GMPR: variants seen among roughly 807,000 people sequenced by gnomAD.
GMPR encodes the protein guanosine monophosphate reductase.
In GMPR, 31 loss-of-function variants were observed where a neutral mutation model predicts 38.4. That is an observed-to-expected ratio of 0.81 (90% CI 0.61 to 1.09). The LOEUF (loss-of-function observed/expected upper bound fraction) is 1.09, where lower values mean the gene tolerates loss of function less well. GMPR is among the 50% of genes least tolerant of loss of function. The pLI is 0.00. For missense variants in GMPR, 468 were observed against 453.7 expected (o/e 1.03, Z -0.29); for synonymous variants, 162 against 173.3 (o/e 0.93, Z 0.51).
At chr6:16,286,167 T>C (rs1312760814) in intron 7 of GMPR, among the ~76,000 whole-genome samples, 2 of 151,670 alleles carry the variant, frequency 1.3e-5, no homozygotes. Context: ...CAGAGGGGGT[T>C]TTTTGGACCC....
At chr6:16,290,333 C>T (rs2113347935) in intron 7 of GMPR, 129 bp from the exon 8 acceptor site, 2 of 810,854 alleles carry the variant, frequency 2.5e-6, no homozygotes, top group South Asian at 1.6e-5. Flanking sequence ...GAGAGAGGTC[C>T]AGCCTTTCTC....
Position 16,278,829 on chromosome 6 carries a change from A to G in GMPR, c.593A>G (p.Gln198Arg), listed in dbSNP as rs764757372. ...TRTKTGVGYP[Q>R]LSAVIECADS... is the part of the protein sequence containing the mutation. Reference sequence around the variant, plus strand: ...ACCAAGACGGGAGTGGGGTACCCCCAGCTGAGTGCCGTCATTGAGTGTGCC... The same window carrying G: ...ACCAAGACGGGAGTGGGGTACCCCCGGCTGAGTGCCGTCATTGAGTGTGCC... Residue 198 changes from glutamine to arginine, a missense_variant, in exon 6 of 9, where the codon CAG (glutamine) becomes CGG (arginine). Physicochemically the swap from Gln to Arg is conservative, Grantham distance 43. Transcript: ENST00000259727. 1.2e-6 allele frequency: 2 copies of G among 1,614,148 alleles called. No homozygotes were observed. Among genetic ancestry groups the G allele is most frequent in the South Asian group, 2.2e-5 (2 of 91,080 alleles).
chr6:16,239,757 G>T (rs1228050752), intron 1 of GMPR, among the ~76,000 whole-genome samples: 1 of 152,270 alleles, frequency 6.6e-6, no homozygotes, highest in African/African-American at 2.4e-5. Context: ...CCGGTGCCAG[G>T]CCTAACTGCA....
chr6:16,292,833 G>A (rs898168971), intron 8 of GMPR, among the ~76,000 whole-genome samples: 2 of 152,142 alleles, frequency 1.3e-5, no homozygotes, highest in Non-Finnish European at 2.9e-5. Context: ...AAGAAAAAAC[G>A]TCTTCTGTAA....
intron 8 of GMPR, among the ~76,000 whole-genome samples, chr6:16,294,338 G>A (rs545009060): frequency 3.3e-5 from 5 of 152,296 alleles, no homozygotes; most frequent in Non-Finnish European, 4.4e-5. Flanking sequence ...ACCCAGCAAA[G>A]CAGAAAGACA....
At chr6:16,281,312 G>A (rs776271832) in intron 6 of GMPR, among the ~76,000 whole-genome samples, 5 of 152,108 alleles carry the variant, frequency 3.3e-5, no homozygotes, top group Non-Finnish European at 5.9e-5. Context: ...CTCAGCATAC[G>A]CTGGCGGGGT....
At position 16,263,278 on chromosome 6, in the gene GMPR, G is replaced by A. The variant is rs908474517; in HGVS notation, c.465+8543G>A. ...GTACGACAAGAATTATTTAGATCTT[G>A]TAGGATGGAAAAATTGAAAGTGCCA... is the stretch of plus-strand genomic sequence containing the variant. On this transcript the variant is annotated intron_variant, in intron 4 of 8. Coordinates refer to ENST00000259727, the MANE Select transcript of GMPR (RefSeq NM_006877.4). 2.0e-5 allele frequency: 3 copies of A among 152,040 alleles called. 1 individual carries two copies. In the South Asian group the frequency reaches 6.2e-4, roughly 32 times the overall value. 9.4% of individuals were successfully genotyped at this position (152,040 alleles called of 1,614,324 possible).
intron 4 of GMPR, among the ~76,000 whole-genome samples, chr6:16,267,492 A>G (rs1457057510): frequency 6.6e-6 from 1 of 152,168 alleles, no homozygotes; most frequent in African/African-American, 2.4e-5. Flanking sequence ...AAGAGCTGTA[A>G]CACTCACTGC....
At chr6:16,285,051 AAAG>A (rs1180034143) in intron 6 of GMPR, among the ~76,000 whole-genome samples, 5 of 150,054 alleles carry the variant, frequency 3.3e-5, no homozygotes, top group African/African-American at 1.2e-4. Flanking sequence ...AAAAAACAGA[AAAG>A]AAAAGAAAAT....
At chr6:16,290,363 G>GA in intron 7 of GMPR, 99 bp from the exon 8 acceptor site, 2 of 1,015,418 alleles carry the variant, frequency 2.0e-6, no homozygotes, top group Non-Finnish European at 3.1e-6. Context: ...GCTGGGCGGG[G>GA]AGGGAGGTGA....
intron 3 of GMPR, among the ~76,000 whole-genome samples, chr6:16,254,347 G>A (rs925529808): frequency 6.6e-6 from 1 of 152,218 alleles, no homozygotes; most frequent in Admixed American, 6.5e-5. Flanking sequence ...ATTACAGCAT[G>A]AGCCACCGTG....
intron 7 of GMPR, among the ~76,000 whole-genome samples, chr6:16,288,707 C>T (rs1017933518): frequency 5.3e-5 from 8 of 152,218 alleles, no homozygotes; most frequent in African/African-American, 1.7e-4. Flanking sequence ...TGGATGAAGC[C>T]AGCTGGGCTC....
intron 4 of GMPR, among the ~76,000 whole-genome samples, chr6:16,266,639 A>G (rs1366915412): frequency 1.3e-5 from 2 of 151,584 alleles, no homozygotes; most frequent in African/African-American, 2.4e-5. Context: ...CATCTCTACT[A>G]AAAGTACAAA....
chr6:16,281,958 G>A (rs1009652530), intron 6 of GMPR, among the ~76,000 whole-genome samples: 2 of 152,184 alleles, frequency 1.3e-5, no homozygotes, highest in Non-Finnish European at 2.9e-5. Context: ...TTGAGGTTCA[G>A]AGCAGCCATT....
intron 3 of GMPR, 83 bp from the exon 4 acceptor site, chr6:16,254,479 C>G: frequency 8.3e-7 from 1 of 1,200,794 alleles, no homozygotes; most frequent in Non-Finnish European, 1.2e-6. Flanking sequence ...TGTACTGTCC[C>G]AGAATAGGTG....
At chr6:16,286,002 C>T (rs1016269608) in intron 7 of GMPR, among the ~76,000 whole-genome samples, 167 bp downstream of exon 7, 10 of 152,006 alleles carry the variant, frequency 6.6e-5, no homozygotes, top group South Asian at 6.2e-4. Context: ...AATCCTGGAC[C>T]GTGGCAGAGC....
rs1372077286 is a variant in GMPR at position 16,254,627 on chromosome 6, T to C, written c.357T>C (p.Ala119=). 3 of 1,613,810 alleles carry C rather than the reference T, an allele frequency of 1.9e-6. No homozygotes were observed. The highest frequency in any genetic ancestry group is 2.5e-6 in the Non-Finnish European group (3 of 1,179,632). The part of the protein sequence containing the change: ...DLEKMTSILE[A]VPQVKFICLD... The stretch of plus-strand genomic sequence containing the variant: ...AAAAGATGACCAGCATCCTGGAAGC[T>C]GTGCCACAGGTTAAGTTTATTTGCC... The change falls in exon 4 of 9, where the codon GCT becomes GCC. Residue 119 remains alanine (A), a synonymous_variant. Coordinates refer to ENST00000259727, the MANE Select transcript of GMPR (RefSeq NM_006877.4).
intron 6 of GMPR, among the ~76,000 whole-genome samples, 168 bp from the exon 7 acceptor site, chr6:16,285,625 G>A (rs1759663735): frequency 6.6e-6 from 1 of 152,210 alleles, no homozygotes; most frequent in Admixed American, 6.5e-5. Flanking sequence ...ATTGAGGGGA[G>A]TACACTCGAT....
intron 8 of GMPR, 34 bp downstream of exon 8, chr6:16,290,655 C>T: frequency 1.9e-6 from 3 of 1,591,046 alleles, no homozygotes; most frequent in Non-Finnish European, 1.7e-6. Flanking sequence ...ACCCTCGAGG[C>T]CTGGCCTTGC....
Sources: allele counts gnomAD v4.1 joint callset (sites outside exome capture counted in the v4.1 genomes callset), GRCh38; gene constraint gnomAD v4.1.1; transcripts MANE v1.5; gene names NCBI Gene and HGNC (gene_info 2026-07-23, HGNC 2026-07-21).